Variants in KCNU1 observed in about 807,000 individuals in gnomAD.
KCNU1 encodes potassium channel subfamily U member 1.
In KCNU1, 93 loss-of-function variants were observed where a neutral mutation model predicts 126.8. The observed-to-expected ratio is 0.73, with a 90% CI of 0.62 to 0.87. The LOEUF (loss-of-function observed/expected upper bound fraction) is 0.87. Ranked by LOEUF, KCNU1 falls within the 40% of genes least tolerant of loss-of-function variation. The pLI is 0.00. For missense variants in KCNU1, 1,330 were observed against 1,367.1 expected (o/e 0.97, Z 0.43); for synonymous variants, 523 against 494.2 (o/e 1.06, Z -0.77).
At chr8:36,814,501 G>A (rs184550680) in intron 8 of KCNU1, 124 bp downstream of exon 8, 11 of 703,138 alleles carry the variant, frequency 1.6e-5, no homozygotes, top group African/African-American at 1.1e-4. Context: ...CACATGTCAA[G>A]GGCAAATGAA....
chr8:36,836,317 T>C lies in KCNU1; in HGVS notation c.1317T>C (p.Tyr439=). ...ATAGGGTGCTCTCTATCAAGAACTA[T>C]GATTCTACCACCAGAATCATCATAC... ...NIMRVLSIKN[Y]DSTTRIIIQI... The change falls in exon 13 of 27, where the codon TAT becomes TAC. Residue 439 remains tyrosine, a synonymous_variant. Coordinates refer to ENST00000399881, the MANE Select transcript of KCNU1 (RefSeq NM_001031836.3). The C allele has an allele frequency of 6.2e-7, 1 of 1,607,744 alleles. No homozygotes were observed. The highest frequency in any genetic ancestry group is 8.5e-7 in the Non-Finnish European group (1 of 1,174,938).
intron 10 of KCNU1, among the ~76,000 whole-genome samples, chr8:36,829,738 T>C (rs1585425910): frequency 2.0e-5 from 3 of 151,502 alleles, no homozygotes; most frequent in East Asian, 1.9e-4. Flanking sequence ...ACAAACTCTT[T>C]CCAACTTTTA....
intron 20 of KCNU1, among the ~76,000 whole-genome samples, chr8:36,906,606 A>G (rs1440649109): frequency 6.6e-6 from 1 of 152,166 alleles, no homozygotes; most frequent in East Asian, 1.9e-4. Flanking sequence ...ATATTTTTTC[A>G]TATATGACTA....
chr8:36,857,986 C>A (rs188214283), intron 18 of KCNU1, among the ~76,000 whole-genome samples: 102 of 152,120 alleles, frequency 6.7e-4, no homozygotes, highest in Non-Finnish European at 1.3e-3. Flanking sequence ...AGAACAATTT[C>A]TAGAGATTTT....
intron 19 of KCNU1, among the ~76,000 whole-genome samples, chr8:36,894,645 G>C (rs1391408039): frequency 6.6e-6 from 1 of 152,082 alleles, no homozygotes; most frequent in East Asian, 1.9e-4. Context: ...TATTCAAGGA[G>C]TCAAGGCAGA....
At chr8:36,885,077 G>A (rs1806643149) in intron 19 of KCNU1, among the ~76,000 whole-genome samples, 1 of 152,142 alleles carries the variant, frequency 6.6e-6, no homozygotes, top group African/African-American at 2.4e-5. Flanking sequence ...ATATTTACAT[G>A]ATAACTGGGA....
intron 14 of KCNU1, among the ~76,000 whole-genome samples, chr8:36,838,538 T>C (rs974497394): frequency 1.3e-5 from 2 of 151,940 alleles, no homozygotes; most frequent in African/African-American, 4.8e-5. Context: ...TAAAAATATA[T>C]ATAAAAAAAT....
At chr8:36,836,410 A>G (rs1210100185) in intron 13 of KCNU1, 45 bp downstream of exon 13, 2 of 1,296,630 alleles carry the variant, frequency 1.5e-6, no homozygotes, top group Admixed American at 3.9e-5. Context: ...TTTTATCTAT[A>G]TAGCTAGACG....
chr8:36,784,504 T>G lies in KCNU1; in HGVS notation c.94T>G (p.Phe32Val). 7 of 1,613,876 alleles carry G rather than the reference T, an allele frequency of 4.3e-6. No individual in the cohort carries two copies. Among genetic ancestry groups the G allele is most frequent in the Non-Finnish European group, 5.9e-6 (7 of 1,179,772 alleles). Residue 32 changes from phenylalanine to valine, a missense_variant, in exon 1 of 27, where the codon TTT (phenylalanine) becomes GTT (valine). By Grantham distance (50) the Phe-to-Val change is conservative. Around this residue, in one of 3 missense-constraint regions of KCNU1, gnomAD observed 247 missense variants for 255.4 expected, o/e 0.97. Coordinates refer to ENST00000399881, the MANE Select transcript of KCNU1 (RefSeq NM_001031836.3). ...CCAAGCAGCATTCATTCTCTCTTCCTTTGTGACCTTCTTCAGTGGACTCAT... is the reference window on the plus strand; with the variant it reads ...CCAAGCAGCATTCATTCTCTCTTCCGTTGTGACCTTCTTCAGTGGACTCAT... ...EIQAAFILSS[F>V]VTFFSGLIIL...
intron 19 of KCNU1, among the ~76,000 whole-genome samples, chr8:36,871,488 T>G (rs1381911948): frequency 6.6e-6 from 1 of 151,974 alleles, no homozygotes; most frequent in Admixed American, 6.6e-5. Context: ...CAAACAAAAT[T>G]TTATTGTTAT....
chr8:36,909,594 G>C (rs1301699032), intron 21 of KCNU1, 59 bp downstream of exon 21: 2 of 956,784 alleles, frequency 2.1e-6, no homozygotes, highest in Admixed American at 2.0e-5. Context: ...AATAGGACTA[G>C]AATTAATAAT....
intron 16 of KCNU1, among the ~76,000 whole-genome samples, chr8:36,845,270 T>C (rs1405470129): frequency 6.6e-6 from 1 of 152,200 alleles, no homozygotes; most frequent in Non-Finnish European, 1.5e-5. Context: ...AGCAAGATGT[T>C]GTGCACCTGA....
intron 24 of KCNU1, among the ~76,000 whole-genome samples, chr8:36,928,435 T>TATC (rs1808597713): frequency 6.6e-6 from 1 of 152,068 alleles, no homozygotes; most frequent in Non-Finnish European, 1.5e-5. Context: ...CCAGCCCAGA[T>TATC]ATCGGGGACT....
chr8:36,816,508 A>G (rs140723447), intron 9 of KCNU1, among the ~76,000 whole-genome samples: 2 of 152,318 alleles, frequency 1.3e-5, no homozygotes, highest in African/African-American at 4.8e-5. Context: ...ATGAAGAGGA[A>G]AGGAAAAATA....
intron 10 of KCNU1, among the ~76,000 whole-genome samples, chr8:36,820,370 G>A (rs761688209): frequency 6.6e-6 from 1 of 152,108 alleles, no homozygotes; most frequent in Non-Finnish European, 1.5e-5. Flanking sequence ...TGGAGACAGA[G>A]GCCAGAAGAG....
intron 19 of KCNU1, among the ~76,000 whole-genome samples, chr8:36,893,071 C>T (rs1807033928): frequency 6.6e-6 from 1 of 152,140 alleles, no homozygotes; most frequent in African/African-American, 2.4e-5. Flanking sequence ...AAGCAATTCT[C>T]CTGACTCAGC....
chr8:36,914,711 G>T (rs1383068663), intron 22 of KCNU1, among the ~76,000 whole-genome samples: 1 of 152,096 alleles, frequency 6.6e-6, no homozygotes, highest in African/African-American at 2.4e-5. Context: ...TCTAATTACT[G>T]CCCTGTCACA....
At chr8:36,881,532 C>G (rs934679241) in intron 19 of KCNU1, among the ~76,000 whole-genome samples, 1 of 152,058 alleles carries the variant, frequency 6.6e-6, no homozygotes. Flanking sequence ...GCCAAGCCAA[C>G]CAACTTTTTA....
At chr8:36,843,225 C>T (rs575799655) in intron 16 of KCNU1, among the ~76,000 whole-genome samples, 123 of 152,246 alleles carry the variant, frequency 8.1e-4, no homozygotes, top group African/African-American at 2.7e-3. Context: ...ACTAATCTCA[C>T]GTAGATTTAA....
Sources: gnomAD v4.1 joint callset for allele counts (sites outside exome capture counted in the v4.1 genomes callset) on GRCh38, gnomAD v4.1.1 for gene constraint, gnomAD v4.1.1 regional missense constraint, MANE v1.5 for transcripts, NCBI Gene and HGNC (gene_info 2026-07-23, HGNC 2026-07-21) for gene names.